Variants in GALNT13 observed in about 807,000 individuals in gnomAD.
GALNT13 encodes the protein polypeptide N-acetylgalactosaminyltransferase 13, also known as UDP-GalNAc:polypeptide N-acetylgalactosaminyltransferase 13.
Under a neutral mutation model 64.2 loss-of-function variants are expected in GALNT13, and 28 were observed. The observed-to-expected ratio is 0.44, with a 90% CI of 0.32 to 0.60. The LOEUF (loss-of-function observed/expected upper bound fraction) is 0.60. Ranked by LOEUF, GALNT13 falls within the 20% of genes least tolerant of loss-of-function variation. The pLI, the probability that GALNT13 is intolerant of heterozygous loss-of-function variation, is 0.05. For missense variants in GALNT13, 577 were observed against 669.8 expected (o/e 0.86, Z 1.53); for synonymous variants, 214 against 224.6 (o/e 0.95, Z 0.42).
At position 153,914,207 on chromosome 2, in the gene GALNT13, C is replaced by G. The variant is rs142067308; in HGVS notation, c.-105+13200C>G. On this transcript the variant is annotated intron_variant, in intron 2 of 12. Transcript: ENST00000392825. ...GAACACAGGAAGAATGAACATTCTG[C>G]TCTTGTTCACAAATCAAAGAGAACA... Among the ~76,000 whole-genome samples the G allele has an allele frequency of 4.0e-3, 615 of 152,270 alleles. 3 individuals are homozygous for G. Among genetic ancestry groups the G allele is most frequent in the African/African-American group, 0.014 (588 of 41,556 alleles).
chr2:154,220,747 G>A (rs1408080064), intron 4 of GALNT13, among the ~76,000 whole-genome samples: 1 of 151,936 alleles, frequency 6.6e-6, no homozygotes. Context: ...CAAGGGAGTA[G>A]GTGATACTTA....
intron 3 of GALNT13, among the ~76,000 whole-genome samples, chr2:154,137,302 AACACACACACAC>A (rs112665813): frequency 6.7e-6 from 1 of 148,888 alleles, no homozygotes; most frequent in Non-Finnish European, 1.5e-5. Flanking sequence ...ACACAGGCAA[AACACACACACAC>A]ACACACACAC....
At chr2:153,411,271 C>T in the GALNT13 span, among the ~76,000 whole-genome samples, 1 of 151,320 alleles carries the variant, frequency 6.6e-6, no homozygotes, top group African/African-American at 2.4e-5. Context: ...ATACCTGTTC[C>T]ATGCCCAGCA....
chr2:154,368,233 A>T (rs1179363200), intron 9 of GALNT13, among the ~76,000 whole-genome samples: 1 of 152,202 alleles, frequency 6.6e-6, no homozygotes, highest in Non-Finnish European at 1.5e-5. Flanking sequence ...TTACTTTTTC[A>T]TAGAAACCTA....
At chr2:153,335,346 A>G in the GALNT13 span, among the ~76,000 whole-genome samples, 1 of 152,214 alleles carries the variant, frequency 6.6e-6, no homozygotes, top group Non-Finnish European at 1.5e-5. Context: ...ACAGGAAAAC[A>G]TGGGAAAGTT....
chr2:153,635,454 G>GTGTATATATATATACACATA, the GALNT13 span, among the ~76,000 whole-genome samples: 1 of 145,542 alleles, frequency 6.9e-6, no homozygotes, highest in African/African-American at 2.5e-5. Context: ...ACATATATAT[G>GTGTATATATATATACACATA]TATATGTGTA....
the GALNT13 span, among the ~76,000 whole-genome samples, chr2:153,325,594 G>A: frequency 3.3e-5 from 5 of 152,154 alleles, no homozygotes; most frequent in African/African-American, 9.7e-5. Context: ...ATGCTTGGGT[G>A]TTGATTTTAG....
chr2:153,089,430 A>T, the GALNT13 span, among the ~76,000 whole-genome samples: 1 of 152,174 alleles, frequency 6.6e-6, no homozygotes, highest in Non-Finnish European at 1.5e-5. Context: ...TTGACTTTAG[A>T]TAACCTGATG....
the GALNT13 span, among the ~76,000 whole-genome samples, chr2:153,163,265 A>G: frequency 6.6e-6 from 1 of 152,158 alleles, no homozygotes; most frequent in Non-Finnish European, 1.5e-5. Context: ...ACCAGGGGGT[A>G]GTCTGGATCT....
chr2:153,302,925 C>T, the GALNT13 span, among the ~76,000 whole-genome samples: 1 of 152,104 alleles, frequency 6.6e-6, no homozygotes, highest in African/African-American at 2.4e-5. Context: ...AAGGCCAATA[C>T]CATGTGTTTT....
chr2:153,868,789 G>A (rs977610230), upstream of GALNT13, among the ~76,000 whole-genome samples: 3 of 152,168 alleles, frequency 2.0e-5, no homozygotes, highest in Non-Finnish European at 2.9e-5. Flanking sequence ...TTATAGCCAA[G>A]AATTGTACAG....
At chr2:153,708,265 T>G in the GALNT13 span, among the ~76,000 whole-genome samples, 1 of 152,150 alleles carries the variant, frequency 6.6e-6, no homozygotes, top group Admixed American at 6.5e-5. Flanking sequence ...ATAATGATAA[T>G]GATATGAATC....
intron 10 of GALNT13, among the ~76,000 whole-genome samples, chr2:154,402,269 CTT>C (rs1439117926): frequency 6.6e-6 from 1 of 152,136 alleles, no homozygotes; most frequent in African/African-American, 2.4e-5. Flanking sequence ...ATATCTCTCT[CTT>C]TTAGAAATGG....
chr2:153,915,706 C>T (rs1023279358), intron 2 of GALNT13, among the ~76,000 whole-genome samples: 2 of 21,314 alleles, frequency 9.4e-5, no homozygotes, highest in African/African-American at 3.4e-4. Flanking sequence ...TTCTTTTCCA[C>T]AGTCTTAGCT....
chr2:154,081,798 T>C (rs1340143074), intron 3 of GALNT13, among the ~76,000 whole-genome samples: 2 of 151,774 alleles, frequency 1.3e-5, no homozygotes, highest in Admixed American at 1.3e-4. Context: ...ATGTATAATG[T>C]TTAACAGCTT....
At chr2:153,905,362 A>G (rs1462428158) in intron 2 of GALNT13, among the ~76,000 whole-genome samples, 2 of 151,966 alleles carry the variant, frequency 1.3e-5, no homozygotes, top group Admixed American at 6.6e-5. Flanking sequence ...TAAACCTTAT[A>G]TATAGACTAT....
intron 3 of GALNT13, among the ~76,000 whole-genome samples, chr2:154,090,340 A>C (rs16836050): frequency 0.072 from 10,881 of 152,154 alleles, 466 homozygotes; most frequent in Middle Eastern, 0.14. Flanking sequence ...TATTTTATGA[A>C]ATGCAGATAT....
chr2:153,337,239 T>A, the GALNT13 span, among the ~76,000 whole-genome samples: 3 of 152,172 alleles, frequency 2.0e-5, no homozygotes, highest in South Asian at 6.2e-4. Flanking sequence ...GAAACAGAAT[T>A]TCTTGAAATT....
At chr2:154,455,403 A>G (rs753729499), downstream of GALNT13, among the ~76,000 whole-genome samples, 6 of 152,210 alleles carry the variant, frequency 3.9e-5, no homozygotes, top group Non-Finnish European at 8.8e-5. Context: ...TAGAAATTCA[A>G]ATTTTTAATG....
Sources: gnomAD v4.1 joint callset for allele counts (sites outside exome capture counted in the v4.1 genomes callset) on GRCh38, gnomAD v4.1.1 for gene constraint, MANE v1.5 for transcripts, NCBI Gene and HGNC (gene_info 2026-07-23, HGNC 2026-07-21) for gene names.